AK5: variants seen among roughly 807,000 people sequenced by gnomAD.
AK5 encodes adenylate kinase isoenzyme 5.
Under a neutral mutation model 69.5 loss-of-function variants are expected in AK5, and 27 were observed. That is an observed-to-expected ratio of 0.39 (90% CI 0.29 to 0.54). AK5 has a LOEUF of 0.54. Among genes scored for constraint, AK5 ranks in the 20% least tolerant of loss-of-function variants. AK5 has a pLI of 0.71. For missense variants in AK5, 531 were observed against 700.4 expected (o/e 0.76, Z 2.73); for synonymous variants, 260 against 244.4 (o/e 1.06, Z -0.60).
chr1:77,319,757 A>G (rs1360485815), intron 5 of AK5, among the ~76,000 whole-genome samples: 1 of 152,260 alleles, frequency 6.6e-6, no homozygotes, highest in Non-Finnish European at 1.5e-5. Flanking sequence ...ATAAATTCAA[A>G]TTAAACTGGC....
chr1:77,297,566 A>G lies in AK5; in HGVS notation c.423A>G (p.Pro141=), dbSNP rs1356975427. ...RPKIILVIGG[P]GSGKGTQSLK... ...GCCTGTTTTAAATACTAGGTGGTCC[A>G]GGAAGTGGAAAGGGTACTCAGAGTT... Residue 141 remains proline, a synonymous_variant, in exon 4 of 14, where the codon CCA becomes CCG. Coordinates refer to ENST00000354567, the MANE Select transcript of AK5 (RefSeq NM_174858.3). The G allele has an allele frequency of 3.7e-6, 6 of 1,604,230 alleles. No homozygotes were observed. Among genetic ancestry groups the G allele is most frequent in the Non-Finnish European group, 5.1e-6 (6 of 1,176,624 alleles).
intron 5 of AK5, among the ~76,000 whole-genome samples, chr1:77,306,493 T>TG (rs1659645594): frequency 3.1e-5 from 3 of 98,134 alleles, no homozygotes; most frequent in East Asian, 2.8e-4. Context: ...GGTTTTTTTT[T>TG]GTTTTTTTTT....
intron 5 of AK5, among the ~76,000 whole-genome samples, chr1:77,302,436 G>A (rs1248449357): frequency 2.0e-5 from 3 of 151,966 alleles, no homozygotes; most frequent in Non-Finnish European, 4.4e-5. Context: ...TAGATTGAGG[G>A]TACAAGTGCA....
chr1:77,338,246 A>G (rs1332605248), intron 5 of AK5, among the ~76,000 whole-genome samples: 2 of 152,202 alleles, frequency 1.3e-5, no homozygotes, highest in Non-Finnish European at 2.9e-5. Context: ...TACAGGCATG[A>G]GCCAATGCAC....
chr1:77,450,047 C>T (rs1176780098), intron 8 of AK5, among the ~76,000 whole-genome samples: 1 of 152,092 alleles, frequency 6.6e-6, no homozygotes, highest in Non-Finnish European at 1.5e-5. Context: ...TTCAAAGTTC[C>T]ACAAATCTCT....
chr1:77,328,754 A>G (rs1194021073), intron 5 of AK5, among the ~76,000 whole-genome samples: 2 of 152,266 alleles, frequency 1.3e-5, no homozygotes, highest in African/African-American at 4.8e-5. Flanking sequence ...TTACTAAAGT[A>G]GTAGAACAAT....
chr1:77,376,482 T>C (rs989778892), intron 6 of AK5, among the ~76,000 whole-genome samples: 13 of 150,286 alleles, frequency 8.7e-5, no homozygotes, highest in Non-Finnish European at 1.6e-4. Context: ...ACTTTTTTTG[T>C]CATTACTGAC....
chr1:77,405,686 T>TG (rs1649575361), intron 6 of AK5, among the ~76,000 whole-genome samples: 1 of 152,058 alleles, frequency 6.6e-6, no homozygotes, highest in Non-Finnish European at 1.5e-5. Context: ...AACCAAGAAG[T>TG]GGAGGGATCC....
intron 10 of AK5, among the ~76,000 whole-genome samples, chr1:77,504,441 A>ATAT (rs1553158489): frequency 2.0e-5 from 3 of 150,346 alleles, no homozygotes; most frequent in East Asian, 1.9e-4. Flanking sequence ...GTATATATAT[A>ATAT]TTTTTTTTAA....
chr1:77,478,265 A>G (rs1165105764), intron 8 of AK5, among the ~76,000 whole-genome samples: 1 of 152,180 alleles, frequency 6.6e-6, no homozygotes, highest in African/African-American at 2.4e-5. Flanking sequence ...GATCTGTGAT[A>G]TGGTTTGGCT....
intron 6 of AK5, among the ~76,000 whole-genome samples, chr1:77,382,691 C>G (rs1647734189): frequency 6.6e-6 from 1 of 152,164 alleles, no homozygotes; most frequent in Admixed American, 6.5e-5. Context: ...TTTATCCCAC[C>G]AACCATCTGT....
At chr1:77,403,258 C>T (rs1649366463) in intron 6 of AK5, among the ~76,000 whole-genome samples, 1 of 152,288 alleles carries the variant, frequency 6.6e-6, no homozygotes, top group East Asian at 1.9e-4. Flanking sequence ...CCTGTTCACT[C>T]TGATGGTAGT....
chr1:77,503,110 G>A (rs769504525), intron 10 of AK5, among the ~76,000 whole-genome samples: 5 of 152,080 alleles, frequency 3.3e-5, no homozygotes, highest in African/African-American at 4.8e-5. Context: ...GGTGTCCTAG[G>A]CTCTATATCT....
chr1:77,379,470 T>A (rs1647472806), intron 6 of AK5, among the ~76,000 whole-genome samples: 2 of 152,218 alleles, frequency 1.3e-5, no homozygotes, highest in Non-Finnish European at 2.9e-5. Flanking sequence ...TCTGCACAGA[T>A]TTAAAGGGCC....
At position 77,558,661 on chromosome 1, in the gene AK5, T is replaced by TATTTA. The variant is rs71756472; in HGVS notation, c.1684_1685insAATTT (p.Phe562Ter). On this transcript the variant is annotated frameshift_variant, in exon 14 of 14. Coordinates refer to ENST00000354567, the MANE Select transcript of AK5 (RefSeq NM_174858.3). LOFTEE classifies it high-confidence loss of function. ...TTCAACTCTGCACAGCTATTGACTCTATTTTCTGAAGGCAAAAATGCATGT... is the reference window on the plus strand; with the variant it reads ...TTCAACTCTGCACAGCTATTGACTCTATTTAATTTTCTGAAGGCAAAAATGCATGT... 2.0e-6 allele frequency: 3 copies of TATTTA among 1,468,728 alleles called. No individual in the cohort carries two copies. The South Asian group carries it at 3.5e-5, about 17-fold the overall frequency. 91.0% of individuals were successfully genotyped at this position (1,468,728 alleles called of 1,614,324 possible).
intron 12 of AK5, among the ~76,000 whole-genome samples, chr1:77,525,725 C>G (rs1013966604): frequency 6.6e-6 from 1 of 152,176 alleles, no homozygotes; most frequent in Non-Finnish European, 1.5e-5. Context: ...AAATTCCAAA[C>G]CATACTAGCA....
rs564043147 is a variant in AK5 at position 77,528,059 on chromosome 1, A to AAAT, written c.1428+6134_1428+6136dup. 4.6e-3 allele frequency among the ~76,000 whole-genome samples: 704 copies of AAAT among 152,050 alleles called. 5 individuals are homozygous for AAAT. The highest frequency in any genetic ancestry group is 0.015 in the African/African-American group (617 of 41,494). On this transcript the variant is annotated intron_variant, in intron 12 of 13. Coordinates refer to ENST00000354567, the MANE Select transcript of AK5 (RefSeq NM_174858.3). ...GGGCAACAGAGTGAAACTCCATCTC[A>AAAT]AATAATAATAATAATAATAAAACCT...
intron 5 of AK5, among the ~76,000 whole-genome samples, chr1:77,335,956 G>A (rs1380969868): frequency 6.6e-6 from 1 of 152,156 alleles, no homozygotes; most frequent in Non-Finnish European, 1.5e-5. Context: ...TGGTGAAAGG[G>A]ACAGGGAATC....
intron 8 of AK5, among the ~76,000 whole-genome samples, chr1:77,468,564 C>T (rs1449860379): frequency 1.3e-5 from 2 of 152,250 alleles, no homozygotes; most frequent in African/African-American, 4.8e-5. Context: ...AGTTAACTCT[C>T]ATGCTTGCTT....
Sources: gnomAD v4.1 joint callset for allele counts (sites outside exome capture counted in the v4.1 genomes callset) on GRCh38, gnomAD v4.1.1 for gene constraint, MANE v1.5 for transcripts, NCBI Gene and HGNC (gene_info 2026-07-23, HGNC 2026-07-21) for gene names.